The following TNR variants were observed in gnomAD, a reference collection of about 807,000 sequenced individuals.
TNR encodes the protein tenascin-R.
A neutral mutation model predicts 150.4 loss-of-function variants in TNR; 45 were observed. The ratio of observed to expected loss-of-function variants is 0.30; its 90% CI spans 0.24 to 0.38. The LOEUF (loss-of-function observed/expected upper bound fraction) is 0.38. Among genes scored for constraint, TNR ranks in the 10% least tolerant of loss-of-function variants. The pLI is 1.00. For missense variants in TNR, 1,544 were observed against 1,759.1 expected (o/e 0.88, Z 2.19); for synonymous variants, 687 against 678.4 (o/e 1.01, Z -0.20).
At chr1:175,355,419 A>G in intron 17 of TNR, 84 bp downstream of exon 17, 11 of 1,546,698 alleles carry the variant, frequency 7.1e-6, no homozygotes, top group Non-Finnish European at 9.6e-6. Context: ...CCTCCCTCCA[A>G]TGTCCTGTGG....
chr1:175,635,090 C>T (rs561953318), intron 1 of TNR, among the ~76,000 whole-genome samples: 1 of 152,240 alleles, frequency 6.6e-6, no homozygotes, highest in South Asian at 2.1e-4. Context: ...AGGTATATCC[C>T]AGAAAACAAG....
At chr1:175,656,188 G>A (rs1034290369) in intron 1 of TNR, among the ~76,000 whole-genome samples, 1 of 142,766 alleles carries the variant, frequency 7.0e-6, no homozygotes, top group Non-Finnish European at 1.5e-5. Context: ...GTGTGTGTGT[G>A]TGTATGTGGT....
At chr1:175,729,795 C>T (rs1667584644) in intron 1 of TNR, among the ~76,000 whole-genome samples, 1 of 152,096 alleles carries the variant, frequency 6.6e-6, no homozygotes, top group South Asian at 2.1e-4. Context: ...CACAGCATCC[C>T]CTGGAATTCT....
At chr1:175,710,592 C>T (rs1361802381) in intron 1 of TNR, among the ~76,000 whole-genome samples, 2 of 152,156 alleles carry the variant, frequency 1.3e-5, no homozygotes, top group African/African-American at 4.8e-5. Flanking sequence ...AGACAGCCCT[C>T]TTAAGTCCCA....
intron 1 of TNR, among the ~76,000 whole-genome samples, chr1:175,563,806 A>C (rs1661527673): frequency 1.3e-5 from 2 of 152,204 alleles, no homozygotes; most frequent in African/African-American, 4.8e-5. Flanking sequence ...TCTATTTTCC[A>C]ATCAACTGTG....
intron 18 of TNR, among the ~76,000 whole-genome samples, chr1:175,341,419 GA>G (rs1650519103): frequency 6.6e-6 from 1 of 152,212 alleles, no homozygotes; most frequent in African/African-American, 2.4e-5. Flanking sequence ...TTGGTACACT[GA>G]AATGTCTCAT....
At chr1:175,402,103 C>T (rs928504479) in intron 4 of TNR, among the ~76,000 whole-genome samples, 3 of 151,024 alleles carry the variant, frequency 2.0e-5, no homozygotes, top group Middle Eastern at 3.2e-3. Context: ...GTCAGGAGAT[C>T]GAGACCATCC....
At chr1:175,654,885 A>G (rs1665127122) in intron 1 of TNR, among the ~76,000 whole-genome samples, 1 of 151,708 alleles carries the variant, frequency 6.6e-6, no homozygotes, top group Admixed American at 6.6e-5. Context: ...CAGCCGGCTA[A>G]TTTTGTTTTT....
intron 10 of TNR, 95 bp from the exon 11 acceptor site, chr1:175,366,233 C>A: frequency 7.5e-7 from 1 of 1,341,692 alleles, no homozygotes. Context: ...ATCAGCAGGC[C>A]TGCTGACTAT....
rs181466993 is a variant in TNR, at chr1:175,470,111, G to A, written c.-64+58158C>T. On this transcript the variant is annotated intron_variant, in intron 2 of 22. Coordinates refer to ENST00000367674, the MANE Select transcript of TNR (RefSeq NM_003285.3). Reference sequence around the variant, plus strand: ...GTGGAGAGATGGGGGTACACAGAAGGAGTTCAGTATTGGACGGGTTGCATT... The same window carrying A: ...GTGGAGAGATGGGGGTACACAGAAGAAGTTCAGTATTGGACGGGTTGCATT... Among the ~76,000 whole-genome samples, 349 of 152,234 alleles carry A rather than the reference G, an allele frequency of 2.3e-3. 6 individuals are homozygous for A. Among genetic ancestry groups the A allele is most frequent in the Admixed American group, 0.022 (331 of 15,282 alleles).
chr1:175,607,597 C>T (rs1014702527), intron 1 of TNR, among the ~76,000 whole-genome samples: 1 of 152,208 alleles, frequency 6.6e-6, no homozygotes, highest in Non-Finnish European at 1.5e-5. Context: ...ACATACTCCT[C>T]ATCTGATGAA....
intron 1 of TNR, among the ~76,000 whole-genome samples, chr1:175,628,337 T>C (rs1664219035): frequency 6.6e-6 from 1 of 152,008 alleles, no homozygotes; most frequent in East Asian, 1.9e-4. Flanking sequence ...TAGATAGTAC[T>C]TTGCTTGAAG....
intron 1 of TNR, among the ~76,000 whole-genome samples, chr1:175,722,448 C>T (rs527478414): frequency 6.6e-6 from 1 of 152,220 alleles, no homozygotes; most frequent in South Asian, 2.1e-4. Context: ...ATTCTTCTAC[C>T]ATGCTCTATT....
intron 2 of TNR, among the ~76,000 whole-genome samples, chr1:175,421,730 G>A (rs911575102): frequency 3.9e-5 from 6 of 152,146 alleles, no homozygotes; most frequent in Admixed American, 1.3e-4. Context: ...GACCAAAAAC[G>A]TGGGACTGGT....
At chr1:175,477,178 C>T (rs1443130998) in intron 2 of TNR, among the ~76,000 whole-genome samples, 1 of 152,166 alleles carries the variant, frequency 6.6e-6, no homozygotes, top group East Asian at 1.9e-4. Flanking sequence ...TATTATTATG[C>T]ATATAATATA....
chr1:175,712,700 C>A (rs1235841880), intron 1 of TNR, among the ~76,000 whole-genome samples: 1 of 151,998 alleles, frequency 6.6e-6, no homozygotes, highest in Admixed American at 6.6e-5. Flanking sequence ...AGATCACCCA[C>A]CCTCTCTCTC....
At chr1:175,648,056 C>T (rs1029594120) in intron 1 of TNR, among the ~76,000 whole-genome samples, 7 of 152,006 alleles carry the variant, frequency 4.6e-5, no homozygotes, top group Non-Finnish European at 1.0e-4. Context: ...TCTCTGATCT[C>T]CCACACCCTC....
chr1:175,339,945 C>T (rs1430822570), intron 18 of TNR, among the ~76,000 whole-genome samples: 5 of 152,244 alleles, frequency 3.3e-5, no homozygotes, highest in Admixed American at 6.5e-5. Context: ...TTTTTAAAGG[C>T]TCAAACATAT....
intron 2 of TNR, among the ~76,000 whole-genome samples, chr1:175,427,459 G>A (rs1180778241): frequency 6.6e-6 from 1 of 152,008 alleles, no homozygotes; most frequent in Non-Finnish European, 1.5e-5. Flanking sequence ...TTTGAAATCT[G>A]GTATGTATTT....
Sources: allele counts gnomAD v4.1 joint callset (sites outside exome capture counted in the v4.1 genomes callset), GRCh38; gene constraint gnomAD v4.1.1; transcripts MANE v1.5; gene names NCBI Gene and HGNC (gene_info 2026-07-23, HGNC 2026-07-21).